SHQ1: variants seen among roughly 807,000 people sequenced by gnomAD.
SHQ1 encodes the protein protein SHQ1 homolog.
Under a neutral mutation model 53.8 loss-of-function variants are expected in SHQ1, and 49 were observed. The observed-to-expected ratio is 0.91, with a 90% CI of 0.72 to 1.16. The LOEUF (loss-of-function observed/expected upper bound fraction) is 1.16. Among genes scored for constraint, SHQ1 ranks in the 50% most tolerant of loss-of-function variants. SHQ1 has a pLI of 0.00. For synonymous variants in SHQ1, 243 were observed against 251.0 expected, an observed-to-expected ratio of 0.97 and a Z score of 0.30; for missense variants, 738 against 683.1, an observed-to-expected ratio of 1.08 and a Z score of -0.90.
At chr3:72,738,338 C>T in the SHQ1 span, among the ~76,000 whole-genome samples, 2 of 152,276 alleles carry the variant, frequency 1.3e-5, no homozygotes, top group East Asian at 3.9e-4. Context: ...GCTAGCTAGG[C>T]ACCTGAGGGC....
Position 72,844,378 on chromosome 3 carries a change from C to G in SHQ1, c.189G>C (p.Gly63=). ...GRIVENGSEQ[G]SYDADKGIFT... ...CAATACCTTTATCTGCATCATAGGA[C>G]CCTTGCTCACTTCCATTTTCTACAA... The change falls in exon 2 of 11, where the codon GGG becomes GGC. Residue 63 remains glycine, a synonymous_variant. Coordinates refer to ENST00000325599, the MANE Select transcript of SHQ1 (RefSeq NM_018130.3). 6.2e-7 allele frequency: 1 copy of G among 1,613,728 alleles called. No homozygotes were observed. Among genetic ancestry groups the G allele is most frequent in the Non-Finnish European group, 8.5e-7 (1 of 1,179,812 alleles).
chr3:72,807,981 T>C (rs1707006031), intron 9 of SHQ1, among the ~76,000 whole-genome samples: 1 of 152,200 alleles, frequency 6.6e-6, no homozygotes, highest in South Asian at 2.1e-4. Flanking sequence ...GTAGCTACTA[T>C]TCATCAGACT....
chr3:72,755,805 T>A (rs1488015415), intron 10 of SHQ1, among the ~76,000 whole-genome samples: 1 of 152,264 alleles, frequency 6.6e-6, no homozygotes, highest in East Asian at 1.9e-4. Context: ...GTAGTTTTTC[T>A]CTGTCGTACT....
At chr3:72,813,830 C>CTTTTT (rs931930903) in intron 8 of SHQ1, among the ~76,000 whole-genome samples, 2 of 108,202 alleles carry the variant, frequency 1.8e-5, no homozygotes, top group Non-Finnish European at 3.7e-5. Context: ...TCCTCTTTTT[C>CTTTTT]TTTTTTTTTT....
At chr3:72,802,319 T>C (rs1378981163) in intron 9 of SHQ1, among the ~76,000 whole-genome samples, 1 of 152,186 alleles carries the variant, frequency 6.6e-6, no homozygotes, top group African/African-American at 2.4e-5. Context: ...ATAGGTCTCC[T>C]CTCTTCTCCA....
At chr3:72,839,444 A>C (rs886836342) in intron 4 of SHQ1, among the ~76,000 whole-genome samples, 1 of 152,218 alleles carries the variant, frequency 6.6e-6, no homozygotes, top group Admixed American at 6.5e-5. Context: ...GTAAATCTCA[A>C]TGTTGTTCCC....
At chr3:72,758,404 T>C (rs1330599829) in intron 10 of SHQ1, among the ~76,000 whole-genome samples, 1 of 152,162 alleles carries the variant, frequency 6.6e-6, no homozygotes, top group South Asian at 2.1e-4. Flanking sequence ...TTCGTGGGCA[T>C]AGGCTCTGAG....
intron 9 of SHQ1, among the ~76,000 whole-genome samples, chr3:72,796,034 CAG>C (rs1212163694): frequency 4.4e-5 from 6 of 134,952 alleles, no homozygotes; most frequent in Non-Finnish European, 9.1e-5. Context: ...CCCGGGGAGG[CAG>C]AGGTTGCAGT....
intron 10 of SHQ1, among the ~76,000 whole-genome samples, chr3:72,757,693 G>A (rs1276873090): frequency 1.3e-5 from 2 of 152,162 alleles, no homozygotes. Context: ...TGGAGCTGGA[G>A]GCCATTTTCC....
chr3:72,781,634 G>A (rs970430840), intron 10 of SHQ1, among the ~76,000 whole-genome samples: 2 of 151,976 alleles, frequency 1.3e-5, no homozygotes, highest in African/African-American at 4.8e-5. Flanking sequence ...TAGAGTCCCC[G>A]AACCCCAACA....
In SHQ1 at chr3:72,797,737, T is replaced by G. The variant is rs571334590; in HGVS notation, c.1061-4701A>C. On this transcript the variant is annotated intron_variant, in intron 9 of 10. Coordinates refer to ENST00000325599, the MANE Select transcript of SHQ1 (RefSeq NM_018130.3). The stretch of plus-strand genomic sequence containing the variant: ...GTAAAGATAACCAGGCTACTTGCAG[T>G]TGACAATCTAGAATAAAAAGTACAT... 5.5e-4 allele frequency among the ~76,000 whole-genome samples: 84 copies of G among 152,362 alleles called. 1 individual carries two copies. The highest frequency in any genetic ancestry group is 2.0e-3 in the African/African-American group (83 of 41,590).
At position 72,812,809 on chromosome 3, in the gene SHQ1, T is replaced by C. The variant is rs1395906228; in HGVS notation, c.937-15A>G. On this transcript the variant is annotated splice_polypyrimidine_tract_variant and intron_variant, in intron 8 of 10. Transcript: ENST00000325599. ...TTAGTCCAAGTCTGTGAAGTGTCAT[T>C]TTAATAAGCAGTCATTTCCACAAAA... 4 of 1,613,452 alleles carry C rather than the reference T, an allele frequency of 2.5e-6. No homozygotes were observed. Among genetic ancestry groups the C allele is most frequent in the Non-Finnish European group, 3.4e-6 (4 of 1,179,742 alleles).
At chr3:72,751,499 TGTGTG>T (rs1559657375) in intron 10 of SHQ1, among the ~76,000 whole-genome samples, 15 of 92,502 alleles carry the variant, frequency 1.6e-4, no homozygotes, top group African/African-American at 7.8e-4. Context: ...TGTGTGTGTG[TGTGTG>T]TGTGTATATA....
In SHQ1 at chr3:72,812,685, T is replaced by C. The variant is rs1394900753; in HGVS notation, c.1046A>G (p.Lys349Arg). The C allele has an allele frequency of 3.7e-6, 6 of 1,613,958 alleles. No individual in the cohort carries two copies. Among genetic ancestry groups the C allele is most frequent in the Non-Finnish European group, 5.1e-6 (6 of 1,179,990 alleles). Residue 349 changes from lysine (K) to arginine (R), a missense_variant, in exon 9 of 11, where the codon AAG (lysine) becomes AGG (arginine). Physicochemically the swap from Lys to Arg is conservative, Grantham distance 26 (BLOSUM62 2). Coordinates refer to ENST00000325599, the MANE Select transcript of SHQ1 (RefSeq NM_018130.3). ...LVMKAYRDTI[K>R]ILQLGKSAVL... ...TAATATCTTACCCAGTTGCAATATC[T>C]TTATAGTGTCCCTGTAGGCCTTCAT...
chr3:72,774,940 C>G (rs1705924400), intron 10 of SHQ1, among the ~76,000 whole-genome samples: 1 of 151,938 alleles, frequency 6.6e-6, no homozygotes, highest in Admixed American at 6.6e-5. Context: ...CATGGTGAAA[C>G]CCCATCTCTA....
chr3:72,824,420 T>C lies in SHQ1; in HGVS notation c.727+4A>G, dbSNP rs201582903. Reference sequence around the variant, plus strand: ...AACAAATTAGCCGAATTTGAGTTTCTTACCTAATGTAGCATGATTTTCTTG... The same window carrying C: ...AACAAATTAGCCGAATTTGAGTTTCCTACCTAATGTAGCATGATTTTCTTG... On this transcript the variant is annotated splice_donor_region_variant and intron_variant, in intron 6 of 10. Transcript: ENST00000325599. 57 of 1,609,218 alleles carry C rather than the reference T, an allele frequency of 3.5e-5. No individual in the cohort carries two copies. In the African/African-American group the frequency reaches 7.3e-4, roughly 21 times the overall value.
chr3:72,766,407 G>A (rs1705732014), intron 10 of SHQ1, among the ~76,000 whole-genome samples: 2 of 152,108 alleles, frequency 1.3e-5, no homozygotes, highest in East Asian at 1.9e-4. Flanking sequence ...TGCTGCCCAA[G>A]TTCATACTAC....
At chr3:72,762,735 C>T (rs1468488183) in intron 10 of SHQ1, among the ~76,000 whole-genome samples, 2 of 152,058 alleles carry the variant, frequency 1.3e-5, no homozygotes, top group African/African-American at 4.8e-5. Flanking sequence ...AGTGCAGTGG[C>T]GTAATCTTGG....
At chr3:72,798,412 T>C (rs1032652889) in intron 9 of SHQ1, among the ~76,000 whole-genome samples, 8 of 152,158 alleles carry the variant, frequency 5.3e-5, no homozygotes, top group Non-Finnish European at 1.0e-4. Flanking sequence ...GTATTACAAA[T>C]GACAAGTGCC....
Sources: allele counts gnomAD v4.1 joint callset (sites outside exome capture counted in the v4.1 genomes callset), GRCh38; gene constraint gnomAD v4.1.1; transcripts MANE v1.5; gene names NCBI Gene and HGNC (gene_info 2026-07-23, HGNC 2026-07-21).